The following ENTPD3 variants were observed in gnomAD, a reference collection of about 807,000 sequenced individuals.
ENTPD3 encodes the protein ectonucleoside triphosphate diphosphohydrolase 3.
Under a neutral mutation model 51.2 loss-of-function variants are expected in ENTPD3, and 60 were observed. The observed-to-expected ratio is 1.17, with a 90% confidence interval of 0.95 to 1.45. ENTPD3 has a LOEUF of 1.45. Among genes scored for constraint, ENTPD3 ranks in the 40% most tolerant of loss-of-function variants. The pLI is 0.00. For missense variants in ENTPD3, 593 were observed against 641.1 expected (o/e 0.93, Z 0.81); for synonymous variants, 221 against 238.4 (o/e 0.93, Z 0.67).
At chr3:40,406,676 T>C (rs542667730) in intron 4 of ENTPD3, among the ~76,000 whole-genome samples, 4 of 152,298 alleles carry the variant, frequency 2.6e-5, no homozygotes, top group African/African-American at 9.6e-5. Flanking sequence ...TCTGGAGATC[T>C]TTTCGATTGT....
chr3:40,407,121 T>C (rs934280140), intron 4 of ENTPD3, among the ~76,000 whole-genome samples: 4 of 152,182 alleles, frequency 2.6e-5, no homozygotes, highest in Admixed American at 2.6e-4. Context: ...TGGAGCATAT[T>C]GGGGGCAGGG....
intron 2 of ENTPD3, among the ~76,000 whole-genome samples, chr3:40,389,536 T>C (rs1460508567): frequency 6.6e-6 from 1 of 152,220 alleles, no homozygotes; most frequent in Admixed American, 6.5e-5. Context: ...GATGGCATGC[T>C]TATTTGCAGT....
At chr3:40,406,360 G>C (rs1955497412) in intron 4 of ENTPD3, among the ~76,000 whole-genome samples, 1 of 152,206 alleles carries the variant, frequency 6.6e-6, no homozygotes, top group African/African-American at 2.4e-5. Flanking sequence ...TAGAGCCAAG[G>C]CCTGCTCCTT....
At chr3:40,422,822 G>A in intron 7 of ENTPD3, 28 bp from the exon 8 acceptor site, 1 of 1,591,196 alleles carries the variant, frequency 6.3e-7, no homozygotes, top group South Asian at 1.1e-5. Context: ...AAACATACGT[G>A]TCTAACACCT....
In ENTPD3 at chr3:40,401,018, A is replaced by G; in HGVS notation, c.286+7A>G. The G allele has an allele frequency of 5.6e-6, 9 of 1,602,156 alleles. No homozygotes were observed. Among genetic ancestry groups the G allele is most frequent in the Non-Finnish European group, 7.7e-6 (9 of 1,169,084 alleles). ...TTCAAATGTAGTGTGAAAGGTAAGG[A>G]CTGAAGTGTGTCTGGGAGTCACAAT... On this transcript the variant is annotated splice_region_variant and intron_variant, in intron 4 of 10. Transcript: ENST00000301825.
chr3:40,388,124 C>G (rs369452143), intron 2 of ENTPD3, 27 bp downstream of exon 2: 2 of 1,613,256 alleles, frequency 1.2e-6, no homozygotes, highest in African/African-American at 2.7e-5. Flanking sequence ...AGGTAGCAAG[C>G]GTGGTTTTGC....
intron 4 of ENTPD3, among the ~76,000 whole-genome samples, chr3:40,406,007 T>C (rs770746601): frequency 2.6e-5 from 4 of 152,202 alleles, no homozygotes; most frequent in Non-Finnish European, 5.9e-5. Flanking sequence ...TCTGTGGTTA[T>C]GTGTTATGAG....
chr3:40,407,036 G>A (rs1279624038), intron 4 of ENTPD3, among the ~76,000 whole-genome samples: 1 of 152,160 alleles, frequency 6.6e-6, no homozygotes, highest in Non-Finnish European at 1.5e-5. Context: ...AGTTCATAAT[G>A]CATGAGCAAG....
chr3:40,414,913 A>G, intron 6 of ENTPD3, 73 bp downstream of exon 6: 28 of 1,486,292 alleles, frequency 1.9e-5, no homozygotes, highest in Non-Finnish European at 2.4e-5. Context: ...GCCTAAGTAG[A>G]GGTACATGCC....
Position 40,423,244 on chromosome 3 carries a change from A to G in ENTPD3, c.1105-47A>G. On this transcript the variant is annotated intron_variant, in intron 8 of 10. Transcript: ENST00000301825. ...TTCCTCACCCATAAACCTTTCTATT[A>G]TACCCCATTCTGAGAACTAATTTTC... The G allele has an allele frequency of 2.5e-6, 4 of 1,572,172 alleles. No homozygotes were observed. The Middle Eastern group carries it at 5.0e-4, about 198-fold the overall frequency.
intron 2 of ENTPD3, among the ~76,000 whole-genome samples, chr3:40,390,047 A>G (rs1955018517): frequency 6.6e-6 from 1 of 152,158 alleles, no homozygotes; most frequent in Non-Finnish European, 1.5e-5. Context: ...AGATTGAGAG[A>G]CTGCATTTTT....
chr3:40,400,264 CAAAAAAAAA>C (rs374610863), intron 3 of ENTPD3, among the ~76,000 whole-genome samples: 813 of 72,606 alleles, frequency 0.011, 5 homozygotes, highest in Middle Eastern at 0.024. Context: ...AACTGCATCT[CAAAAAAAAA>C]AAAAAAAAGA....
At chr3:40,395,662 G>A (rs1401902725) in intron 3 of ENTPD3, among the ~76,000 whole-genome samples, 3 of 152,122 alleles carry the variant, frequency 2.0e-5, no homozygotes, top group Non-Finnish European at 4.4e-5. Flanking sequence ...CCCAGTCAAG[G>A]GCATATTTAT....
intron 4 of ENTPD3, among the ~76,000 whole-genome samples, chr3:40,407,353 A>G (rs1225300874): frequency 6.6e-6 from 1 of 152,228 alleles, no homozygotes; most frequent in African/African-American, 2.4e-5. Context: ...TCAAAAAAAA[A>G]AAACTTTACT....
At position 40,428,137 on chromosome 3, in the gene ENTPD3, G is replaced by T; in HGVS notation, c.*629G>T. The T allele has an allele frequency of 6.5e-6, 1 of 153,850 alleles. No individual in the cohort carries two copies. The highest frequency in any genetic ancestry group is 1.4e-5 in the Non-Finnish European group (1 of 69,082). The allele number at this position is 153,850 out of a possible 1,614,324, so 9.5% of individuals were successfully genotyped here. ...CAGAAAACTATAGACCATTCTCCAA[G>T]TGGAATTCCCACTTAGGGCTCTGGT... On this transcript the variant is annotated 3_prime_UTR_variant, in exon 11 of 11. Transcript: ENST00000301825.
At position 40,414,264 on chromosome 3, in the gene ENTPD3, C is replaced by T. The variant is rs186054042; in HGVS notation, c.438-417C>T. ...CCCCCTTCCTACTAAGCTCCCTTTC[C>T]GTCTGGTCAGATGAGGGTTCCTTCA... is the stretch of plus-strand genomic sequence containing the variant. On this transcript the variant is annotated intron_variant, in intron 5 of 10. Transcript: ENST00000301825. 3.5e-4 allele frequency among the ~76,000 whole-genome samples: 53 copies of T among 152,240 alleles called. 1 individual carries two copies. Among genetic ancestry groups the T allele is most frequent in the African/African-American group, 1.2e-3 (51 of 41,538 alleles).
chr3:40,393,798 A>C lies in ENTPD3; in HGVS notation c.168+1648A>C, dbSNP rs546747378. Among the ~76,000 whole-genome samples the C allele has an allele frequency of 1.8e-4, 28 of 152,162 alleles. No homozygotes were observed. The East Asian group carries it at 5.0e-3, about 27-fold the overall frequency. On this transcript the variant is annotated intron_variant, in intron 3 of 10. Transcript: ENST00000301825. ...ACAAACTACTGTATATAAAATTGGG[A>C]CTTTGGGAGGCCGAGGCGGGCGGAT...
At chr3:40,415,609 C>T (rs901654761) in intron 6 of ENTPD3, among the ~76,000 whole-genome samples, 9 of 152,214 alleles carry the variant, frequency 5.9e-5, no homozygotes, top group Admixed American at 3.3e-4. Flanking sequence ...ACCCACCAGT[C>T]CCTATTATAC....
At chr3:40,416,145 T>C (rs1165106977) in intron 7 of ENTPD3, 72 bp downstream of exon 7, 20 of 1,084,018 alleles carry the variant, frequency 1.8e-5, no homozygotes, top group Admixed American at 2.0e-5. Context: ...ATGCCCTGCC[T>C]TCTGGGGTCT....
Sources: allele counts gnomAD v4.1 joint callset (sites outside exome capture counted in the v4.1 genomes callset), GRCh38; gene constraint gnomAD v4.1.1; transcripts MANE v1.5; gene names NCBI Gene and HGNC (gene_info 2026-07-23, HGNC 2026-07-21).